S100Z: variants seen among roughly 807,000 people sequenced by gnomAD.
S100Z encodes S100 calcium binding protein Z.
Under a neutral mutation model 8.5 loss-of-function variants are expected in S100Z, and 11 were observed. The ratio of observed to expected loss-of-function variants is 1.30; its 90% CI spans 0.82 to 2.15. The LOEUF is 2.15. S100Z is among the 30% of genes most tolerant of loss of function. The probability of loss-of-function intolerance (pLI) is 0.00; values close to 1 mark genes in which losing one functional copy is unlikely to be tolerated. For synonymous variants in S100Z, 34 were observed against 43.8 expected (o/e 0.78, Z 0.89); for missense variants, 126 against 117.9 (o/e 1.07, Z -0.32).
rs146075369 is a variant in S100Z at position 76,869,551 on chromosome 5, G to C, written c.-175-615G>C. 8.1e-3 allele frequency among the ~76,000 whole-genome samples: 1,229 copies of C among 152,318 alleles called. 8 individuals carry two copies. Among genetic ancestry groups the C allele is most frequent in the Non-Finnish European group, 0.014 (965 of 68,030 alleles). On this transcript the variant is annotated intron_variant, in intron 1 of 4. Coordinates refer to ENST00000317593, the MANE Select transcript of S100Z (RefSeq NM_130772.4). Reference sequence around the variant, plus strand: ...ACCCTTTGAATGGCCAGGAGCGTGGGTGTTGATTTGTGATTTAGATCAGCT... The same window carrying C: ...ACCCTTTGAATGGCCAGGAGCGTGGCTGTTGATTTGTGATTTAGATCAGCT...
chr5:76,901,664 A>G (rs184529021), intron 4 of S100Z, among the ~76,000 whole-genome samples: 1 of 152,180 alleles, frequency 6.6e-6, no homozygotes, highest in African/African-American at 2.4e-5. Flanking sequence ...ATGCTGTCCA[A>G]GAGTCAAGTC....
At chr5:76,946,887 G>A in the S100Z span, among the ~76,000 whole-genome samples, 4 of 152,004 alleles carry the variant, frequency 2.6e-5, no homozygotes, top group Non-Finnish European at 2.9e-5. Flanking sequence ...ACTCTTTTGC[G>A]GAAACCTATC....
At chr5:76,878,916 A>T (rs1341133245) in intron 4 of S100Z, among the ~76,000 whole-genome samples, 1 of 152,194 alleles carries the variant, frequency 6.6e-6, no homozygotes, top group South Asian at 2.1e-4. Context: ...GAAGTCCAGG[A>T]TGACAAAACA....
downstream of S100Z, chr5:76,921,731 T>G (rs575462539): frequency 6.6e-6 from 1 of 152,220 alleles, no homozygotes; most frequent in Non-Finnish European, 1.5e-5. Context: ...CTAACGCCTG[T>G]AATCCTAGCA....
At chr5:76,936,616 T>TACACACACACACAC in the S100Z span, among the ~76,000 whole-genome samples, 205 of 134,134 alleles carry the variant, frequency 1.5e-3, 2 homozygotes, top group Middle Eastern at 3.6e-3. Flanking sequence ...TTAAAGTTCC[T>TACACACACACACAC]ACACACACAC....
At chr5:76,914,058 C>T (rs1022324507) in intron 4 of S100Z, among the ~76,000 whole-genome samples, 3 of 152,158 alleles carry the variant, frequency 2.0e-5, no homozygotes, top group Non-Finnish European at 2.9e-5. Flanking sequence ...ACAAGTGGAA[C>T]ACCAAATGAG....
At chr5:76,863,715 T>G (rs1335614423) in intron 1 of S100Z, among the ~76,000 whole-genome samples, 2 of 151,886 alleles carry the variant, frequency 1.3e-5, no homozygotes, top group Non-Finnish European at 2.9e-5. Flanking sequence ...ATTTTTTGTA[T>G]TTTTAGTAGA....
At chr5:76,936,236 A>C in the S100Z span, among the ~76,000 whole-genome samples, 1 of 152,132 alleles carries the variant, frequency 6.6e-6, no homozygotes, top group African/African-American at 2.4e-5. Context: ...GAAAAAGTAT[A>C]TTTAATGATA....
intron 1 of S100Z, among the ~76,000 whole-genome samples, chr5:76,863,682 GCACC>G: frequency 6.6e-6 from 1 of 151,914 alleles, no homozygotes; most frequent in Non-Finnish European, 1.5e-5. Flanking sequence ...GGGACTACAG[GCACC>G]CGCCACCACA....
downstream of S100Z, among the ~76,000 whole-genome samples, chr5:76,924,912 CA>C (rs34845921): frequency 0.7 from 100,805 of 144,824 alleles, 35,214 homozygotes; most frequent in African/African-American, 0.84. Context: ...GACTCTGTCT[CA>C]AAAAAAAAAA....
intron 4 of S100Z, among the ~76,000 whole-genome samples, chr5:76,903,507 TACAA>T (rs1385882377): frequency 6.6e-6 from 1 of 152,204 alleles, no homozygotes; most frequent in Non-Finnish European, 1.5e-5. Flanking sequence ...ATAAATCTGC[TACAA>T]ACAGATTTTC....
the S100Z span, among the ~76,000 whole-genome samples, chr5:76,940,221 A>AC: frequency 4.6e-5 from 7 of 151,858 alleles, no homozygotes; most frequent in African/African-American, 1.7e-4. Flanking sequence ...AGAGAAAAAA[A>AC]GCAACTGTCA....
chr5:76,876,073 T>C (rs1202437216), intron 3 of S100Z, among the ~76,000 whole-genome samples: 1 of 152,208 alleles, frequency 6.6e-6, no homozygotes, highest in Non-Finnish European at 1.5e-5. Flanking sequence ...GAGATTAATA[T>C]ATGAAGCCGT....
At position 76,884,024 on chromosome 5, in the gene S100Z, C is replaced by T. The variant is rs933620100; in HGVS notation, c.*2+6190C>T. On this transcript the variant is annotated intron_variant, in intron 4 of 4. Transcript: ENST00000317593. ...TACTCTATTATTGTACACCTTGAAGCGAGGTTAATTAAGTCCTGTTGTGGG... is the reference window on the plus strand; with the variant it reads ...TACTCTATTATTGTACACCTTGAAGTGAGGTTAATTAAGTCCTGTTGTGGG... Among the ~76,000 whole-genome samples the T allele has an allele frequency of 4.9e-5, 7 of 143,724 alleles. No individual in the cohort carries two copies. The East Asian group carries it at 6.0e-4, about 12-fold the overall frequency. 94.3% of individuals were successfully genotyped at this position (143,724 alleles called of 152,430 possible).
chr5:76,929,607 G>C, the S100Z span, among the ~76,000 whole-genome samples: 1 of 152,122 alleles, frequency 6.6e-6, no homozygotes, highest in Non-Finnish European at 1.5e-5. Flanking sequence ...ACACCAAGAG[G>C]TGACATGAGA....
At chr5:76,928,942 A>G in the S100Z span, among the ~76,000 whole-genome samples, 1 of 152,224 alleles carries the variant, frequency 6.6e-6, no homozygotes, top group Admixed American at 6.5e-5. Context: ...AGGTCTCACT[A>G]TGTTGCCTAG....
intron 1 of S100Z, among the ~76,000 whole-genome samples, chr5:76,862,956 G>A (rs1005401209): frequency 7.9e-5 from 12 of 152,066 alleles, no homozygotes; most frequent in South Asian, 4.1e-4. Flanking sequence ...TTTGTCTTTC[G>A]TTGCTTCTTT....
chr5:76,936,755 A>G, the S100Z span, among the ~76,000 whole-genome samples: 2 of 152,156 alleles, frequency 1.3e-5, no homozygotes, highest in South Asian at 4.1e-4. Context: ...AGGCTGCAGT[A>G]GGTAAATGAA....
At chr5:76,949,726 C>T in the S100Z span, among the ~76,000 whole-genome samples, 11,874 of 152,254 alleles carry the variant, frequency 0.078, 674 homozygotes, top group Non-Finnish European at 0.12. Context: ...AAATACTGTA[C>T]GATTACACTT....
Sources: gnomAD v4.1 joint callset for allele counts (sites outside exome capture counted in the v4.1 genomes callset) on GRCh38, gnomAD v4.1.1 for gene constraint, MANE v1.5 for transcripts, NCBI Gene and HGNC (gene_info 2026-07-23, HGNC 2026-07-21) for gene names.